TLK1: variants seen among roughly 807,000 people sequenced by gnomAD.
TLK1 encodes the protein serine/threonine-protein kinase tousled-like 1.
Under a neutral mutation model 105.3 loss-of-function variants are expected in TLK1, and 24 were observed. That is an observed-to-expected ratio of 0.23 (90% CI 0.17 to 0.32). The LOEUF (loss-of-function observed/expected upper bound fraction) is 0.32. TLK1 is among the 10% of genes least tolerant of loss of function. The pLI, the probability that TLK1 is intolerant of heterozygous loss-of-function variation, is 1.00. For missense variants in TLK1, 558 were observed against 910.5 expected, an observed-to-expected ratio of 0.61 and a Z score of 4.98; for synonymous variants, 321 against 310.4, an observed-to-expected ratio of 1.03 and a Z score of -0.36.
Position 171,096,831 on chromosome 2 carries a change from T to C in TLK1, c.259-13979A>G, listed in dbSNP as rs1689474318. ...AAACTATAAAACTGTCGAAAGAAAT[T>C]GAAGACAATACAAATGGAAAGATAT... is the stretch of plus-strand genomic sequence containing the variant. On this transcript the variant is annotated intron_variant, in intron 2 of 20. Transcript: ENST00000431350. Among the ~76,000 whole-genome samples, 4 of 152,000 alleles carry C rather than the reference T, an allele frequency of 2.6e-5. No individual in the cohort carries two copies. The South Asian group carries it at 6.2e-4, about 24-fold the overall frequency.
At chr2:171,106,127 T>C (rs1376090506) in intron 2 of TLK1, among the ~76,000 whole-genome samples, 1 of 152,192 alleles carries the variant, frequency 6.6e-6, no homozygotes. Flanking sequence ...ATGTTCTCAC[T>C]CATATGCAGA....
At position 170,993,758 on chromosome 2, in the gene TLK1, T is replaced by A. The variant is rs377135024; in HGVS notation, c.*22A>T. 2 of 1,512,194 alleles carry A rather than the reference T, an allele frequency of 1.3e-6. No homozygotes were observed. The highest frequency in any genetic ancestry group is 1.8e-6 in the Non-Finnish European group (2 of 1,125,950). The allele number at this position is 1,512,194 out of a possible 1,614,324, so 93.7% of individuals were successfully genotyped here. On this transcript the variant is annotated 3_prime_UTR_variant, in exon 21 of 21. Coordinates refer to ENST00000431350, the MANE Select transcript of TLK1 (RefSeq NM_012290.5). ...GCATCTGGAAGCAAATTCAAAGATA[T>A]CATGCCAATCTTGGAGGAAAGTCAG...
chr2:171,023,028 C>T, intron 12 of TLK1: 1 of 470,606 alleles, frequency 2.1e-6, no homozygotes, highest in East Asian at 6.9e-5. Context: ...AAGATTAATA[C>T]TGATGCTGCT....
At chr2:171,003,273 CAAAAA>C (rs777049271) in intron 18 of TLK1, among the ~76,000 whole-genome samples, 7 of 68,500 alleles carry the variant, frequency 1.0e-4, no homozygotes, top group African/African-American at 4.9e-4. Context: ...GACTCCGTCT[CAAAAA>C]AAAAAAAAAA....
At chr2:171,162,978 G>A (rs1306232766), upstream of TLK1, among the ~76,000 whole-genome samples, 1 of 152,172 alleles carries the variant, frequency 6.6e-6, no homozygotes, top group Non-Finnish European at 1.5e-5. Context: ...TTTTAGTAGA[G>A]ATGGGGTTTC....
chr2:171,102,777 A>G (rs1200499124), intron 2 of TLK1, among the ~76,000 whole-genome samples: 2 of 152,232 alleles, frequency 1.3e-5, no homozygotes, highest in Non-Finnish European at 2.9e-5. Flanking sequence ...CATGCATTCA[A>G]AAGTATTCAT....
intron 11 of TLK1, among the ~76,000 whole-genome samples, chr2:171,031,961 G>A (rs1279603226): frequency 2.0e-5 from 3 of 152,050 alleles, no homozygotes; most frequent in Non-Finnish European, 2.9e-5. Context: ...GGTGGTGCAC[G>A]CCTGTAGTCC....
At chr2:171,165,087 CAA>C (rs948256679), upstream of TLK1, among the ~76,000 whole-genome samples, 7 of 152,186 alleles carry the variant, frequency 4.6e-5, no homozygotes, top group African/African-American at 1.7e-4. Flanking sequence ...GAAGAAATCT[CAA>C]GAGCAAGAAG....
intron 2 of TLK1, among the ~76,000 whole-genome samples, chr2:171,109,214 A>C (rs1347881065): frequency 2.0e-5 from 3 of 152,230 alleles, no homozygotes; most frequent in African/African-American, 7.2e-5. Context: ...AAATGTTTCT[A>C]AAATAAGGCA....
intron 1 of TLK1, among the ~76,000 whole-genome samples, chr2:171,219,720 C>A (rs1693774482): frequency 6.6e-6 from 1 of 152,052 alleles, no homozygotes; most frequent in Admixed American, 6.6e-5. Context: ...CATGCCTCAG[C>A]CTCCTGAGTA....
intron 14 of TLK1, among the ~76,000 whole-genome samples, chr2:171,010,799 A>G (rs1180677004): frequency 6.6e-6 from 1 of 152,142 alleles, no homozygotes; most frequent in Non-Finnish European, 1.5e-5. Flanking sequence ...CTATAAGTGT[A>G]CTGTATTAAA....
intron 1 of TLK1, among the ~76,000 whole-genome samples, chr2:171,134,694 G>T (rs1194135158): frequency 2.1e-5 from 3 of 143,172 alleles, no homozygotes; most frequent in Admixed American, 7.0e-5. Flanking sequence ...AAAAAAAAAT[G>T]TGGTATATAT....
intron 1 of TLK1, among the ~76,000 whole-genome samples, chr2:171,132,403 A>G (rs982166184): frequency 6.6e-6 from 1 of 152,160 alleles, no homozygotes; most frequent in Non-Finnish European, 1.5e-5. Context: ...CAGCTAAACC[A>G]TATCAACAGT....
intron 1 of TLK1, among the ~76,000 whole-genome samples, chr2:171,123,071 C>CACACACACAT (rs2105540823): frequency 6.6e-6 from 1 of 151,888 alleles, no homozygotes; most frequent in African/African-American, 2.4e-5. Context: ...CACACACACA[C>CACACACACAT]ACACACACAC....
intron 1 of TLK1, among the ~76,000 whole-genome samples, chr2:171,198,422 T>C (rs1693318076): frequency 6.6e-6 from 1 of 152,192 alleles, no homozygotes; most frequent in East Asian, 1.9e-4. Context: ...ATGTAAAATA[T>C]TTGCGTCTTA....
intron 1 of TLK1, among the ~76,000 whole-genome samples, chr2:171,204,263 A>G (rs1251474957): frequency 6.6e-6 from 1 of 152,180 alleles, no homozygotes; most frequent in African/African-American, 2.4e-5. Flanking sequence ...CAGCTCTGCC[A>G]TTAAATTGGC....
chr2:171,205,088 C>A (rs995921311), intron 1 of TLK1, among the ~76,000 whole-genome samples: 3 of 152,044 alleles, frequency 2.0e-5, no homozygotes, highest in Non-Finnish European at 1.5e-5. Flanking sequence ...TGGCTCATGC[C>A]TGTAATACCA....
chr2:171,049,885 A>G lies in TLK1; in HGVS notation c.909T>C (p.Phe303=), dbSNP rs1354684705. The part of the protein sequence containing the change: ...SMQDRLRLGH[F]TTVRHGASFT... ...ATGAAGCGCCATGTCTAACTGTTGT[A>G]AAGTGCCCGAGGCGTAATCGATCTT... The change falls in exon 10 of 21, where the codon TTT becomes TTC. Residue 303 remains phenylalanine, a synonymous_variant. Coordinates refer to ENST00000431350, the MANE Select transcript of TLK1 (RefSeq NM_012290.5). 1 of 1,613,972 alleles carries G rather than the reference A, an allele frequency of 6.2e-7. No individual in the cohort carries two copies. Among genetic ancestry groups the G allele is most frequent in the South Asian group, 1.1e-5 (1 of 91,074 alleles).
At chr2:171,157,564 A>G (rs1692288002) in intron 1 of TLK1, among the ~76,000 whole-genome samples, 1 of 152,236 alleles carries the variant, frequency 6.6e-6, no homozygotes, top group Non-Finnish European at 1.5e-5. Context: ...TAGATTCCCA[A>G]ATCTTATAGA....
Sources: gnomAD v4.1 joint callset for allele counts (sites outside exome capture counted in the v4.1 genomes callset) on GRCh38, gnomAD v4.1.1 for gene constraint, MANE v1.5 for transcripts, NCBI Gene and HGNC (gene_info 2026-07-23, HGNC 2026-07-21) for gene names.